PIEZO2: variants seen among roughly 807,000 people sequenced by gnomAD.
The protein encoded by PIEZO2 is piezo type mechanosensitive ion channel component 2.
A neutral mutation model predicts 337.3 loss-of-function variants in PIEZO2; 172 were observed. The observed-to-expected ratio is 0.51, with a 90% CI of 0.45 to 0.58. The LOEUF is 0.58. Ranked by LOEUF, PIEZO2 falls within the 20% of genes least tolerant of loss-of-function variation. The pLI, the probability that PIEZO2 is intolerant of heterozygous loss-of-function variation, is 0.00. For missense variants in PIEZO2, 3,028 were observed against 3,391.3 expected (o/e 0.89, Z 2.66); for synonymous variants, 1,251 against 1,228.5 (o/e 1.02, Z -0.38).
At chr18:10,720,360 A>C (rs2036221223) in intron 36 of PIEZO2, among the ~76,000 whole-genome samples, 1 of 91,332 alleles carries the variant, frequency 1.1e-5, no homozygotes, top group Non-Finnish European at 2.2e-5. Context: ...TCCTATATAT[A>C]TTCTGTGTGT....
In PIEZO2 at chr18:10,895,970, G is replaced by A. The variant is rs2042888745; in HGVS notation, c.329+15216C>T. Among the ~76,000 whole-genome samples the A allele has an allele frequency of 2.0e-5, 3 of 147,982 alleles. No individual in the cohort carries two copies. The highest frequency in any genetic ancestry group is 7.5e-5 in the African/African-American group (3 of 39,776). The stretch of plus-strand genomic sequence containing the variant: ...AGCTACTTGGGAGGCTGAGGCAAGA[G>A]AATCTCTTGAACCCGGGAGGCGAAG... On this transcript the variant is annotated intron_variant, in intron 4 of 55. Coordinates refer to ENST00000674853, the MANE Select transcript of PIEZO2 (RefSeq NM_001378183.1). The surrounding 1 kb of genome is among the most constrained non-coding windows in gnomAD (Gnocchi z 4.8).
chr18:10,801,024 CA>C (rs1399078566), intron 10 of PIEZO2, among the ~76,000 whole-genome samples: 1 of 152,228 alleles, frequency 6.6e-6, no homozygotes, highest in Admixed American at 6.5e-5. Context: ...CCACTAAGTA[CA>C]ATTGCTTGTT....
intron 21 of PIEZO2, among the ~76,000 whole-genome samples, chr18:10,768,128 AAAGAAAGGATCAGAT>A (rs1344351965): frequency 1.3e-5 from 2 of 152,188 alleles, no homozygotes; most frequent in African/African-American, 4.8e-5. Context: ...TGTGGGTGAG[AAAGAAAGGATCAGAT>A]AAGAAAGGAG....
At chr18:10,889,646 G>T (rs1270126948) in intron 4 of PIEZO2, among the ~76,000 whole-genome samples, 4 of 152,176 alleles carry the variant, frequency 2.6e-5, no homozygotes, top group Non-Finnish European at 5.9e-5. Context: ...AATGGCCAAA[G>T]AGACATCTAC....
At chr18:10,732,744 TTTTAGTAGATG>T (rs756563483) in intron 35 of PIEZO2, among the ~76,000 whole-genome samples, 11 of 152,182 alleles carry the variant, frequency 7.2e-5, no homozygotes, top group Non-Finnish European at 1.5e-4. Context: ...ATAAAGGAAT[TTTTAGTAGATG>T]TTTATTGGCT....
intron 2 of PIEZO2, among the ~76,000 whole-genome samples, chr18:10,984,298 A>G (rs922689754): frequency 2.0e-5 from 3 of 152,184 alleles, no homozygotes; most frequent in African/African-American, 7.2e-5. Flanking sequence ...TAGCCATCTT[A>G]AAGCTCAGTG....
chr18:10,898,056 T>C (rs1354691579), intron 4 of PIEZO2, among the ~76,000 whole-genome samples: 1 of 152,208 alleles, frequency 6.6e-6, no homozygotes, highest in African/African-American at 2.4e-5. Flanking sequence ...CAACAAATGT[T>C]TATTTTATAT....
chr18:10,972,924 C>T (rs1271495924), intron 3 of PIEZO2, among the ~76,000 whole-genome samples: 2 of 152,128 alleles, frequency 1.3e-5, no homozygotes. Context: ...CTCACAAAAA[C>T]CTATGAGATG....
chr18:10,689,638 A>G lies in PIEZO2; in HGVS notation c.7497+17T>C. On this transcript the variant is annotated intron_variant, in intron 49 of 55. Coordinates refer to ENST00000674853, the MANE Select transcript of PIEZO2 (RefSeq NM_001378183.1). ...AGAGAAGCAGACAGGAATAAGGCAC[A>G]TCTCCTGGCTTCTTACCTTCTCCGA... is the stretch of plus-strand genomic sequence containing the variant. 1.9e-6 allele frequency: 3 copies of G among 1,614,156 alleles called. No individual in the cohort carries two copies. Among genetic ancestry groups the G allele is most frequent in the Non-Finnish European group, 2.5e-6 (3 of 1,179,986 alleles).
chr18:10,691,192 C>A (rs377756953), intron 48 of PIEZO2, 33 bp downstream of exon 48: 35 of 1,602,604 alleles, frequency 2.2e-5, no homozygotes, highest in Non-Finnish European at 2.9e-5. Context: ...ATTCTTCCCC[C>A]ATAAGTGACT....
intron 4 of PIEZO2, among the ~76,000 whole-genome samples, chr18:10,905,830 A>G (rs1011548201): frequency 7.9e-5 from 12 of 152,168 alleles, no homozygotes; most frequent in Admixed American, 2.0e-4. Context: ...TCATTAATCT[A>G]TCCCACAAAC....
intron 4 of PIEZO2, among the ~76,000 whole-genome samples, chr18:10,897,209 T>C (rs1049025777): frequency 4.6e-5 from 7 of 151,196 alleles, no homozygotes; most frequent in Non-Finnish European, 8.8e-5. Flanking sequence ...TTTTCTGAGA[T>C]GGAGCCTCGC....
At position 10,676,811 on chromosome 18, in the gene PIEZO2, G is replaced by A. The variant is rs564017154; in HGVS notation, c.8081+936C>T. Among the ~76,000 whole-genome samples the A allele has an allele frequency of 6.9e-4, 105 of 152,348 alleles. 1 individual carries two copies. The highest frequency in any genetic ancestry group is 2.4e-3 in the African/African-American group (100 of 41,586). On this transcript the variant is annotated intron_variant, in intron 53 of 55. Transcript: ENST00000674853. The surrounding 1 kb of genome is among the most constrained non-coding windows in gnomAD (Gnocchi z 5.1). Reference sequence around the variant, plus strand: ...GTGAACGAGTGAAGTGGGTACCCACGATCGGGTGGCAGACATGAATGACAA... The same window carrying A: ...GTGAACGAGTGAAGTGGGTACCCACAATCGGGTGGCAGACATGAATGACAA...
intron 48 of PIEZO2, 114 bp from the exon 49 acceptor site, chr18:10,689,916 T>C (rs775564845): frequency 9.6e-6 from 12 of 1,253,852 alleles, no homozygotes; most frequent in East Asian, 2.7e-5. Flanking sequence ...TCAGAAACAA[T>C]TCTCTAGGTG....
Position 10,833,628 on chromosome 18 carries a change from C to T in PIEZO2, c.917+21725G>A, listed in dbSNP as rs542715515. ...GAGGACCTCACCTCGCAGAGGCTTC[C>T]AGAGCCAAGTACAGTTCCAATCTGT... On this transcript the variant is annotated intron_variant, in intron 7 of 55. Transcript: ENST00000674853. This position sits in a 1 kb window ranked among gnomAD's most constrained non-coding sequence, Gnocchi z 4.7. Among the ~76,000 whole-genome samples, 1 of 152,338 alleles carries T rather than the reference C, an allele frequency of 6.6e-6. No homozygotes were observed. Among genetic ancestry groups the T allele is most frequent in the East Asian group, 1.9e-4 (1 of 5,180 alleles).
At position 10,705,402 on chromosome 18, in the gene PIEZO2, T is replaced by C; in HGVS notation, c.5933A>G (p.Lys1978Arg). ...GGGAGGTAAGATGCTGGACCCCAGC[T>C]TGTCGGTGCGGCTGTCGTCCGGGCT... is the stretch of plus-strand genomic sequence containing the variant. The part of the protein sequence containing the change: ...AVSPDDSRTD[K>R]LGSSILPPLT... Residue 1978 changes from lysine (K) to arginine (R), a missense_variant, in exon 41 of 56, where the codon AAG becomes AGG. This residue lies in a region of PIEZO2 where 1,925 missense variants were observed against 2,051.9 expected (regional missense o/e 0.94). Coordinates refer to ENST00000674853, the MANE Select transcript of PIEZO2 (RefSeq NM_001378183.1). The C allele has an allele frequency of 6.5e-7, 1 of 1,537,240 alleles. No homozygotes were observed. Among genetic ancestry groups the C allele is most frequent in the Non-Finnish European group, 8.7e-7 (1 of 1,146,906 alleles).
chr18:10,904,395 T>C (rs1470667719), intron 4 of PIEZO2, among the ~76,000 whole-genome samples: 2 of 152,208 alleles, frequency 1.3e-5, no homozygotes, highest in Non-Finnish European at 2.9e-5. Context: ...CTTTACTCAT[T>C]TGTAAGATGG....
chr18:10,916,850 C>T (rs2070458749), intron 3 of PIEZO2, among the ~76,000 whole-genome samples: 1 of 152,198 alleles, frequency 6.6e-6, no homozygotes, highest in African/African-American at 2.4e-5. Flanking sequence ...CTAGTCTTCC[C>T]TTCCTTCTCC....
At chr18:10,721,655 T>C (rs941981306) in intron 36 of PIEZO2, among the ~76,000 whole-genome samples, 3 of 151,946 alleles carry the variant, frequency 2.0e-5, no homozygotes, top group Non-Finnish European at 4.4e-5. Flanking sequence ...CTCAACAGTA[T>C]GTGGCATTGA....
Sources: allele counts gnomAD v4.1 joint callset (sites outside exome capture counted in the v4.1 genomes callset), GRCh38; gene constraint gnomAD v4.1.1; regional missense constraint gnomAD v4.1.1; non-coding constraint Gnocchi (gnomAD v3.1); transcripts MANE v1.5; gene names NCBI Gene and HGNC (gene_info 2026-07-23, HGNC 2026-07-21).